SLC49A4: variants seen among roughly 807,000 people sequenced by gnomAD.
SLC49A4 encodes the protein disrupted in renal cancer protein 2.
In SLC49A4, 36 loss-of-function variants were observed where a neutral mutation model predicts 50.6. That is an observed-to-expected ratio of 0.71 (90% CI 0.55 to 0.94). The LOEUF is 0.94. Among genes scored for constraint, SLC49A4 ranks in the 40% least tolerant of loss-of-function variants. The probability of loss-of-function intolerance (pLI) is 0.00; values close to 1 mark genes in which losing one functional copy is unlikely to be tolerated. For missense variants in SLC49A4, 503 were observed against 605.7 expected, an observed-to-expected ratio of 0.83 and a Z score of 1.78; for synonymous variants, 248 against 241.2, an observed-to-expected ratio of 1.03 and a Z score of -0.26.
Position 122,861,791 on chromosome 3 carries a change from C to G in SLC49A4, c.1138+1589C>G, listed in dbSNP as rs1014315823. Among the ~76,000 whole-genome samples, 3 of 152,196 alleles carry G rather than the reference C, an allele frequency of 2.0e-5. No homozygotes were observed. The East Asian group carries it at 5.8e-4, about 29-fold the overall frequency. The stretch of plus-strand genomic sequence containing the variant: ...AAGATTGCCCTATACTCAAAATTAG[C>G]AACCTCTGCACCAAGCCAGCCACCC... On this transcript the variant is annotated intron_variant, in intron 7 of 8. Coordinates refer to ENST00000261038, the MANE Select transcript of SLC49A4 (RefSeq NM_032839.3).
intron 7 of SLC49A4, among the ~76,000 whole-genome samples, chr3:122,861,938 C>T (rs138198430): frequency 4.6e-5 from 7 of 152,274 alleles, no homozygotes; most frequent in African/African-American, 9.6e-5. Context: ...GCATTCTTTT[C>T]GATGACATCG....
intron 1 of SLC49A4, among the ~76,000 whole-genome samples, chr3:122,806,177 C>T (rs992787799): frequency 6.6e-5 from 10 of 152,014 alleles, no homozygotes; most frequent in Admixed American, 1.3e-4. Flanking sequence ...TAGCAGCTTA[C>T]ATTTGAAAAT....
chr3:122,798,847 C>T (rs116658318), intron 1 of SLC49A4, among the ~76,000 whole-genome samples: 4,858 of 151,726 alleles, frequency 0.032, 108 homozygotes, highest in Middle Eastern at 0.078. Context: ...CCATGTTGTC[C>T]AGGCTGGTTT....
chr3:122,856,518 G>T (rs1404760241), intron 6 of SLC49A4, 144 bp downstream of exon 6: 9 of 752,632 alleles, frequency 1.2e-5, no homozygotes, highest in Non-Finnish European at 2.0e-5. Flanking sequence ...CAGAGTACAA[G>T]AAAATTCATA....
At chr3:122,815,655 G>T (rs1936355444) in intron 2 of SLC49A4, among the ~76,000 whole-genome samples, 1 of 152,212 alleles carries the variant, frequency 6.6e-6, no homozygotes, top group Admixed American at 6.5e-5. Flanking sequence ...TCAAAGTCCT[G>T]TCCAATTAAT....
At chr3:122,848,308 A>G (rs867835927) in intron 5 of SLC49A4, among the ~76,000 whole-genome samples, 1 of 152,058 alleles carries the variant, frequency 6.6e-6, no homozygotes, top group Non-Finnish European at 1.5e-5. Flanking sequence ...CCTTATATAC[A>G]CTGGTGTATT....
intron 6 of SLC49A4, among the ~76,000 whole-genome samples, chr3:122,857,486 A>G (rs1379823995): frequency 1.3e-5 from 2 of 152,260 alleles, no homozygotes; most frequent in Non-Finnish European, 2.9e-5. Flanking sequence ...ATCAAATATA[A>G]GATCCACATA....
chr3:122,802,146 TA>T (rs1484395262), intron 1 of SLC49A4, among the ~76,000 whole-genome samples: 2 of 151,990 alleles, frequency 1.3e-5, no homozygotes, highest in African/African-American at 2.4e-5. Context: ...ACCCTATCTC[TA>T]AAAAATAATA....
Position 122,806,329 on chromosome 3 carries a change from C to CT in SLC49A4, c.344-525dup, listed in dbSNP as rs1936216893. On this transcript the variant is annotated intron_variant, in intron 1 of 8. Transcript: ENST00000261038. ...GAGCTAATAGAACTTCTTCCTCCAT[C>CT]TTTGATATGAACATTCCTATTTTCC... is the stretch of plus-strand genomic sequence containing the variant. 3.9e-5 allele frequency among the ~76,000 whole-genome samples: 6 copies of CT among 152,256 alleles called. No homozygotes were observed. In the South Asian group the frequency reaches 1.2e-3, roughly 32 times the overall value.
intron 4 of SLC49A4, among the ~76,000 whole-genome samples, chr3:122,844,743 T>C (rs1936825287): frequency 6.6e-6 from 1 of 151,474 alleles, no homozygotes; most frequent in African/African-American, 2.4e-5. Flanking sequence ...GATCACACCA[T>C]TGCACTCCAT....
intron 2 of SLC49A4, among the ~76,000 whole-genome samples, chr3:122,810,723 A>C (rs1334285990): frequency 1.3e-5 from 2 of 152,268 alleles, no homozygotes; most frequent in Non-Finnish European, 2.9e-5. Flanking sequence ...AATGTTTACC[A>C]ACATGTATTA....
At chr3:122,832,402 T>C (rs1936619468) in intron 3 of SLC49A4, among the ~76,000 whole-genome samples, 1 of 152,204 alleles carries the variant, frequency 6.6e-6, no homozygotes, top group South Asian at 2.1e-4. Context: ...TGTTTGGGTA[T>C]TCATTTTACT....
rs1375353627 is a variant in SLC49A4, at chr3:122,795,085, G to T, written c.-108G>T. 15 of 1,192,670 alleles carry T rather than the reference G, an allele frequency of 1.3e-5. No homozygotes were observed. The highest frequency in any genetic ancestry group is 1.5e-5 in the Non-Finnish European group (14 of 955,666). 73.9% of individuals were successfully genotyped at this position (1,192,670 alleles called of 1,614,324 possible). A position where few individuals can be genotyped will look rare whatever the true frequency, so the allele number is the denominator to read the frequency against. On this transcript the variant is annotated 5_prime_UTR_variant, in exon 1 of 9. Coordinates refer to ENST00000261038, the MANE Select transcript of SLC49A4 (RefSeq NM_032839.3). ...ACCAGGCGCGGTCCGGAGGCCGAGGGCGACCACAGCAGCCTCCGCCTCCTG... is the reference window on the plus strand; with the variant it reads ...ACCAGGCGCGGTCCGGAGGCCGAGGTCGACCACAGCAGCCTCCGCCTCCTG...
At chr3:122,842,409 C>G (rs1240628797) in intron 4 of SLC49A4, among the ~76,000 whole-genome samples, 1 of 145,516 alleles carries the variant, frequency 6.9e-6, no homozygotes, top group South Asian at 2.2e-4. Context: ...TGGCGTGAAC[C>G]CGGGAGGCGG....
At chr3:122,813,634 T>G (rs1014167976) in intron 2 of SLC49A4, among the ~76,000 whole-genome samples, 2 of 152,226 alleles carry the variant, frequency 1.3e-5, no homozygotes, top group African/African-American at 4.8e-5. Flanking sequence ...TATTCTTTTC[T>G]TTGAAATAAG....
At chr3:122,809,897 T>G (rs1936275796) in intron 2 of SLC49A4, among the ~76,000 whole-genome samples, 1 of 152,234 alleles carries the variant, frequency 6.6e-6, no homozygotes, top group Non-Finnish European at 1.5e-5. Context: ...TTCGTAGTCT[T>G]TAAGCATATC....
chr3:122,832,004 A>G (rs943855623), intron 3 of SLC49A4, among the ~76,000 whole-genome samples: 4 of 152,038 alleles, frequency 2.6e-5, no homozygotes, highest in Admixed American at 2.6e-4. Flanking sequence ...ATCTGCTAAC[A>G]ATCTTGTGTT....
chr3:122,873,445 G>T (rs1419993623), intron 8 of SLC49A4, among the ~76,000 whole-genome samples: 1 of 152,140 alleles, frequency 6.6e-6, no homozygotes, highest in Non-Finnish European at 1.5e-5. Flanking sequence ...CTCCTAAAGT[G>T]CTGGGATTAC....
rs1409861256 is a variant in SLC49A4 at position 122,806,986 on chromosome 3, C to T, written c.437+36C>T. ...TAAATAACATTTCTCCCCCATTTTT[C>T]ATTTTATTATGTGTATAAATTTTTA... On this transcript the variant is annotated intron_variant, in intron 2 of 8. Coordinates refer to ENST00000261038, the MANE Select transcript of SLC49A4 (RefSeq NM_032839.3). 2.3e-6 allele frequency: 3 copies of T among 1,284,712 alleles called. No homozygotes were observed. In the African/African-American group the frequency reaches 4.4e-5, roughly 19 times the overall value. The allele number at this position is 1,284,712 out of a possible 1,614,324, so 79.6% of individuals were successfully genotyped here.
Sources: allele counts gnomAD v4.1 joint callset (sites outside exome capture counted in the v4.1 genomes callset), GRCh38; gene constraint gnomAD v4.1.1; transcripts MANE v1.5; gene names NCBI Gene and HGNC (gene_info 2026-07-23, HGNC 2026-07-21).